STK32B: variants seen among roughly 807,000 people sequenced by gnomAD.
STK32B encodes serine/threonine kinase 32B, also known as serine/threonine-protein kinase 32B.
Under a neutral mutation model 52.6 loss-of-function variants are expected in STK32B, and 43 were observed. That is an observed-to-expected ratio of 0.82 (90% CI 0.64 to 1.05). The LOEUF is 1.05. Among genes scored for constraint, STK32B ranks in the 50% least tolerant of loss-of-function variants. STK32B has a pLI of 0.00. For synonymous variants in STK32B, 238 were observed against 204.3 expected, an observed-to-expected ratio of 1.17 and a Z score of -1.41; for missense variants, 621 against 534.6, an observed-to-expected ratio of 1.16 and a Z score of -1.59.
rs566978878 is a variant in STK32B, at chr4:5,237,601, T to A, written c.260+69151T>A. 6.6e-5 allele frequency among the ~76,000 whole-genome samples: 10 copies of A among 152,252 alleles called. No homozygotes were observed. In the South Asian group the frequency reaches 8.3e-4, roughly 13 times the overall value. On this transcript the variant is annotated intron_variant, in intron 3 of 11. Coordinates refer to ENST00000282908, the MANE Select transcript of STK32B (RefSeq NM_018401.3). ...AATCTAGGATGAGGGAAATGACTTA[T>A]TAAAAAGAGAAATGGAAATCTGTGC... is the stretch of plus-strand genomic sequence containing the variant.
chr4:5,109,877 C>T (rs1443929216), intron 1 of STK32B, among the ~76,000 whole-genome samples: 1 of 152,014 alleles, frequency 6.6e-6, no homozygotes, highest in African/African-American at 2.4e-5. Flanking sequence ...TTGAAGACTC[C>T]TCTAGAAGAC....
rs1742073146 is a variant in STK32B at position 5,058,015 on chromosome 4, A to G, written c.52+6100A>G. Among the ~76,000 whole-genome samples the G allele has an allele frequency of 6.6e-6, 1 of 152,148 alleles. No individual in the cohort carries two copies. The highest frequency in any genetic ancestry group is 2.4e-5 in the African/African-American group (1 of 41,434). ...GTCATTCCCTTAGCTAGAGCCAACC[A>G]AGGAAAAGATGGATGTCAACGTTGT... On this transcript the variant is annotated intron_variant, in intron 1 of 11. Coordinates refer to ENST00000282908, the MANE Select transcript of STK32B (RefSeq NM_018401.3). This position sits in a 1 kb window ranked among gnomAD's most constrained non-coding sequence, Gnocchi z 4.8.
At chr4:5,262,057 C>T (rs1442145013) in intron 3 of STK32B, among the ~76,000 whole-genome samples, 5 of 152,146 alleles carry the variant, frequency 3.3e-5, no homozygotes, top group Admixed American at 3.3e-4. Context: ...ATTGCTGATT[C>T]TCCGTCGTGC....
chr4:5,441,131 G>A (rs1432465623), intron 6 of STK32B, among the ~76,000 whole-genome samples: 1 of 148,730 alleles, frequency 6.7e-6, no homozygotes, highest in African/African-American at 2.5e-5. Context: ...AAATGAGTTA[G>A]GGAGGATTCC....
At chr4:5,185,725 C>T (rs116386382) in intron 3 of STK32B, among the ~76,000 whole-genome samples, 1 of 152,216 alleles carries the variant, frequency 6.6e-6, no homozygotes, top group Admixed American at 6.5e-5. Context: ...CCATCACCCA[C>T]GTGCCCTTCA....
At position 5,274,671 on chromosome 4, in the gene STK32B, C is replaced by T. The variant is rs80264640; in HGVS notation, c.261-56549C>T. The stretch of plus-strand genomic sequence containing the variant: ...TAAACCCCGGCATTGGAGCTGGCAG[C>T]AGCGACCCTCTTTGGGTCCCCTCCC... On this transcript the variant is annotated intron_variant, in intron 3 of 11. Coordinates refer to ENST00000282908, the MANE Select transcript of STK32B (RefSeq NM_018401.3). 6.2e-3 allele frequency among the ~76,000 whole-genome samples: 945 copies of T among 152,308 alleles called. 17 individuals are homozygous for T. Among genetic ancestry groups the T allele is most frequent in the African/African-American group, 0.015 (633 of 41,572 alleles).
intron 4 of STK32B, among the ~76,000 whole-genome samples, chr4:5,392,617 G>A (rs1048327730): frequency 1.6e-4 from 24 of 151,660 alleles, no homozygotes; most frequent in Admixed American, 1.2e-3. Context: ...TACCTCTACC[G>A]GTGTTTGACC....
intron 4 of STK32B, among the ~76,000 whole-genome samples, chr4:5,381,997 G>T (rs1735962809): frequency 6.6e-6 from 1 of 152,194 alleles, no homozygotes; most frequent in Non-Finnish European, 1.5e-5. Flanking sequence ...GGAAAGAGCT[G>T]ATGTTGCAGT....
At chr4:5,406,885 T>A (rs1264045471) in intron 5 of STK32B, among the ~76,000 whole-genome samples, 1 of 152,162 alleles carries the variant, frequency 6.6e-6, no homozygotes. Flanking sequence ...CTGTTAACAT[T>A]CAGCTCCCTT....
chr4:5,299,584 G>A (rs954947883), intron 3 of STK32B, among the ~76,000 whole-genome samples: 1 of 152,032 alleles, frequency 6.6e-6, no homozygotes, highest in Non-Finnish European at 1.5e-5. Flanking sequence ...GTAGGTATGT[G>A]GCTTTATTTC....
At chr4:5,105,155 T>C (rs1714032985) in intron 1 of STK32B, among the ~76,000 whole-genome samples, 1 of 152,172 alleles carries the variant, frequency 6.6e-6, no homozygotes, top group Admixed American at 6.5e-5. Flanking sequence ...ATTGCAGTTT[T>C]GATTTACATT....
intron 3 of STK32B, among the ~76,000 whole-genome samples, chr4:5,285,873 A>T (rs1403239103): frequency 6.6e-6 from 1 of 152,006 alleles, no homozygotes; most frequent in Non-Finnish European, 1.5e-5. Context: ...TAAATCGCTA[A>T]CCCCCTATAC....
At chr4:5,220,984 T>C (rs547838894) in intron 3 of STK32B, among the ~76,000 whole-genome samples, 13 of 152,340 alleles carry the variant, frequency 8.5e-5, no homozygotes, top group Non-Finnish European at 8.8e-5. Flanking sequence ...CCTTATTTGG[T>C]TTCTGAGTGA....
chr4:5,038,959 A>G, the STK32B span, among the ~76,000 whole-genome samples: 2 of 149,332 alleles, frequency 1.3e-5, no homozygotes, highest in Non-Finnish European at 3.0e-5. Context: ...ACACAAACAT[A>G]CTGTACAGCT....
rs540659849 is a variant in STK32B, at chr4:5,380,560, G to A, written c.435-17647G>A. ...CCCCTGATGGTGTGCAAAGCAGGAA[G>A]TGCAAGTCCCACCCCATAGGAGCAG... is the stretch of plus-strand genomic sequence containing the variant. On this transcript the variant is annotated intron_variant, in intron 4 of 11. Coordinates refer to ENST00000282908, the MANE Select transcript of STK32B (RefSeq NM_018401.3). This position sits in a 1 kb window ranked among gnomAD's most constrained non-coding sequence, Gnocchi z 4.3. Among the ~76,000 whole-genome samples, 1 of 152,196 alleles carries A rather than the reference G, an allele frequency of 6.6e-6. No individual in the cohort carries two copies. The highest frequency in any genetic ancestry group is 2.4e-5 in the African/African-American group (1 of 41,434).
At chr4:5,295,140 G>C (rs1340205540) in intron 3 of STK32B, among the ~76,000 whole-genome samples, 2 of 152,130 alleles carry the variant, frequency 1.3e-5, no homozygotes, top group Admixed American at 6.6e-5. Context: ...AATTGTGGTG[G>C]ATAAGCTTTT....
chr4:5,355,057 C>G (rs1734081540), intron 4 of STK32B, among the ~76,000 whole-genome samples: 1 of 152,178 alleles, frequency 6.6e-6, no homozygotes, highest in South Asian at 2.1e-4. Context: ...AAAACCTTGA[C>G]TTTCCATGCT....
At chr4:5,443,579 C>G (rs560279540) in intron 6 of STK32B, among the ~76,000 whole-genome samples, 1 of 152,128 alleles carries the variant, frequency 6.6e-6, no homozygotes, top group African/African-American at 2.4e-5. Context: ...GTAATTTGAT[C>G]GTCTGAAGCC....
chr4:5,102,532 A>ACTTT lies in STK32B; in HGVS notation c.53-37360_53-37357dup, dbSNP rs1320969954. Among the ~76,000 whole-genome samples the ACTTT allele has an allele frequency of 1.8e-4, 16 of 90,568 alleles. 1 individual carries two copies. Among genetic ancestry groups the ACTTT allele is most frequent in the African/African-American group, 7.0e-4 (16 of 22,950 alleles). The allele number at this position is 90,568 out of a possible 152,430, so 59.4% of individuals were successfully genotyped here. A position where few individuals can be genotyped will look rare whatever the true frequency, so the allele number is the denominator to read the frequency against. ...TCCCTCCTTCCTTCTTTCTTTCTTT[A>ACTTT]CTTTCTTTCTTTCTTTTTGATGAGT... is the stretch of plus-strand genomic sequence containing the variant. On this transcript the variant is annotated intron_variant, in intron 1 of 11. Coordinates refer to ENST00000282908, the MANE Select transcript of STK32B (RefSeq NM_018401.3).
Sources: gnomAD v4.1 joint callset for allele counts (sites outside exome capture counted in the v4.1 genomes callset) on GRCh38, gnomAD v4.1.1 for gene constraint, Gnocchi (gnomAD v3.1) non-coding constraint, MANE v1.5 for transcripts, NCBI Gene and HGNC (gene_info 2026-07-23, HGNC 2026-07-21) for gene names.